Variants in GLG1 observed in about 807,000 individuals in gnomAD.
GLG1 encodes golgi glycoprotein 1.
In GLG1, 38 loss-of-function variants were observed where a neutral mutation model predicts 160.5. The ratio of observed to expected loss-of-function variants is 0.24; its 90% CI spans 0.18 to 0.31. The LOEUF is 0.31. Among genes scored for constraint, GLG1 ranks in the 10% least tolerant of loss-of-function variants. The probability of loss-of-function intolerance (pLI) is 1.00; values close to 1 mark genes in which losing one functional copy is unlikely to be tolerated. For missense variants in GLG1, 1,373 were observed against 1,505.2 expected (o/e 0.91, Z 1.45); for synonymous variants, 644 against 543.4 (o/e 1.19, Z -2.57).
At position 74,453,541 on chromosome 16, in the gene GLG1, A is replaced by G. The variant is rs536031298; in HGVS notation, c.3373-207T>C. ...ACACGTCTACTGCACAAAATTAGAA[A>G]TACAGAAAGAGACAAAGTGGTGCAG... On this transcript the variant is annotated intron_variant, in intron 25 of 25. Transcript: ENST00000422840. Among the ~76,000 whole-genome samples, 3 of 152,354 alleles carry G rather than the reference A, an allele frequency of 2.0e-5. No homozygotes were observed. In the East Asian group the frequency reaches 5.8e-4, roughly 29 times the overall value.
chr16:74,589,111 C>T (rs924113268), intron 1 of GLG1, among the ~76,000 whole-genome samples: 7 of 151,746 alleles, frequency 4.6e-5, no homozygotes, highest in East Asian at 1.9e-4. Context: ...AAAAATTAGA[C>T]GGGCGTGGTG....
chr16:74,498,600 CATGCCTGTA>C (rs2016297706), intron 4 of GLG1, among the ~76,000 whole-genome samples: 1 of 149,096 alleles, frequency 6.7e-6, no homozygotes, highest in Non-Finnish European at 1.5e-5. Context: ...CGTGGTGGCT[CATGCCTGTA>C]ATCCCAGCAC....
chr16:74,587,301 A>T (rs1230221121), intron 1 of GLG1, among the ~76,000 whole-genome samples: 1 of 152,174 alleles, frequency 6.6e-6, no homozygotes, highest in African/African-American at 2.4e-5. Context: ...CCCAAACAGA[A>T]TTGGATAGTC....
chr16:74,545,962 T>A (rs574236613), intron 1 of GLG1, among the ~76,000 whole-genome samples: 1 of 152,352 alleles, frequency 6.6e-6, no homozygotes, highest in Admixed American at 6.5e-5. Context: ...ATGTCATGCA[T>A]TTGTCTGAGT....
chr16:74,477,977 A>AACACAAATAAAT (rs2015449025), intron 11 of GLG1, among the ~76,000 whole-genome samples: 1 of 140,148 alleles, frequency 7.1e-6, no homozygotes, highest in Non-Finnish European at 1.5e-5. Context: ...CCGTCTCAAA[A>AACACAAATAAAT]AAATAAATAA....
At chr16:74,589,734 T>G (rs1163672343) in intron 1 of GLG1, among the ~76,000 whole-genome samples, 1 of 152,184 alleles carries the variant, frequency 6.6e-6, no homozygotes, top group Non-Finnish European at 1.5e-5. Context: ...TAATTTCTCC[T>G]ATTTCACATA....
chr16:74,545,045 C>CT (rs55834761), intron 1 of GLG1, among the ~76,000 whole-genome samples: 152,176 of 152,176 alleles, frequency 1, 76,088 homozygotes, highest in Non-Finnish European at 1. Context: ...TATGTAGATT[C>CT]TGGCTACAGG....
Position 74,462,212 on chromosome 16 carries a change from G to T in GLG1, c.2935-17C>A. ...AGACAGGCGCTGCATGTGACAAAGG[G>T]AGGATACATGGGCTGATCAGAAAAC... On this transcript the variant is annotated splice_polypyrimidine_tract_variant and intron_variant, in intron 21 of 25. Coordinates refer to ENST00000422840, the MANE Select transcript of GLG1 (RefSeq NM_001145667.2). The T allele has an allele frequency of 7.4e-7, 1 of 1,345,982 alleles. No individual in the cohort carries two copies. Among genetic ancestry groups the T allele is most frequent in the Non-Finnish European group, 1.1e-6 (1 of 937,178 alleles). 83.4% of individuals were successfully genotyped at this position (1,345,982 alleles called of 1,614,324 possible).
chr16:74,533,947 G>C (rs909574905), intron 1 of GLG1, among the ~76,000 whole-genome samples: 1 of 152,072 alleles, frequency 6.6e-6, no homozygotes, highest in African/African-American at 2.4e-5. Flanking sequence ...AGGCAATAAA[G>C]AAAATAGAAC....
At chr16:74,537,834 T>A (rs2017728420) in intron 1 of GLG1, among the ~76,000 whole-genome samples, 1 of 150,064 alleles carries the variant, frequency 6.7e-6, no homozygotes, top group African/African-American at 2.5e-5. Context: ...GGTTTCAGAA[T>A]AAACTACTGA....
intron 1 of GLG1, among the ~76,000 whole-genome samples, chr16:74,570,902 G>A (rs1210705978): frequency 1.3e-5 from 2 of 151,670 alleles, no homozygotes. Flanking sequence ...CCACCCGCTG[G>A]CCCCTCAAAA....
At position 74,452,500 on chromosome 16, in the gene GLG1, C is replaced by T. The variant is rs1597210189; in HGVS notation, c.*667G>A. On this transcript the variant is annotated 3_prime_UTR_variant, in exon 26 of 26. Transcript: ENST00000422840. Reference sequence around the variant, plus strand: ...CACAGAAATACCCATGGCTGTGGGGCTGTGACCAGCAGTGGCTGATTAGGG... The same window carrying T: ...CACAGAAATACCCATGGCTGTGGGGTTGTGACCAGCAGTGGCTGATTAGGG... The T allele has an allele frequency of 9.7e-7, 1 of 1,034,202 alleles. No homozygotes were observed. Among genetic ancestry groups the T allele is most frequent in the East Asian group, 8.1e-5 (1 of 12,396 alleles). The allele number at this position is 1,034,202 out of a possible 1,614,324, so 64.1% of individuals were successfully genotyped here. A position where few individuals can be genotyped will look rare whatever the true frequency, so the allele number is the denominator to read the frequency against.
At chr16:74,587,974 C>T (rs4888257) in intron 1 of GLG1, among the ~76,000 whole-genome samples, 111,206 of 152,096 alleles carry the variant, frequency 0.73, 41,156 homozygotes, top group African/African-American at 0.84. Context: ...GTGAAATATA[C>T]TTAAAATACA....
At chr16:74,554,230 T>C (rs2018287630) in intron 1 of GLG1, among the ~76,000 whole-genome samples, 1 of 152,196 alleles carries the variant, frequency 6.6e-6, no homozygotes, top group African/African-American at 2.4e-5. Flanking sequence ...TAAGACAGGA[T>C]TTCCTCAATA....
At chr16:74,491,696 C>G (rs35817771) in intron 7 of GLG1, among the ~76,000 whole-genome samples, 139,517 of 147,586 alleles carry the variant, frequency 0.95, 66,152 homozygotes, top group East Asian at 1. Context: ...TGGAGTGCAG[C>G]GCGCGATCTC....
intron 1 of GLG1, among the ~76,000 whole-genome samples, chr16:74,590,235 G>A (rs1415153002): frequency 2.0e-5 from 3 of 151,976 alleles, no homozygotes; most frequent in African/African-American, 4.8e-5. Context: ...TCCTGATCTC[G>A]TGATCCGCCC....
At chr16:74,486,061 A>C (rs2143343668) in intron 8 of GLG1, 144 bp from the exon 9 acceptor site, 33 of 602,854 alleles carry the variant, frequency 5.5e-5, no homozygotes, top group Middle Eastern at 2.8e-4. Flanking sequence ...AGCCAAGCTC[A>C]AGAGCATTTG....
rs2014980302 is a variant in GLG1, at chr16:74,465,829, T to TA, written c.2530-17dup. The TA allele has an allele frequency of 6.2e-7, 1 of 1,612,412 alleles. No homozygotes were observed. ...ATTCGATAATCTATGGCAAAAGAGTTATAGTCAAGTTGAGAGATGTCAGAG... is the reference window on the plus strand; with the variant it reads ...ATTCGATAATCTATGGCAAAAGAGTTAATAGTCAAGTTGAGAGATGTCAGAG... On this transcript the variant is annotated splice_polypyrimidine_tract_variant and intron_variant, in intron 18 of 25. Transcript: ENST00000422840.
intron 2 of GLG1, among the ~76,000 whole-genome samples, chr16:74,511,585 T>TAAAAAA (rs1172903763): frequency 7.3e-4 from 62 of 85,278 alleles, no homozygotes; most frequent in Middle Eastern, 6.7e-3. Context: ...CTTTTTTTTT[T>TAAAAAA]AAAAAAAAAA....
Sources: allele counts gnomAD v4.1 joint callset (sites outside exome capture counted in the v4.1 genomes callset), GRCh38; gene constraint gnomAD v4.1.1; transcripts MANE v1.5; gene names NCBI Gene and HGNC (gene_info 2026-07-23, HGNC 2026-07-21).